The following SDK1 variants were observed in gnomAD, a reference collection of about 807,000 sequenced individuals.
SDK1 encodes the protein protein sidekick-1.
SDK1 carries 157 observed loss-of-function variants against 245.5 expected under a neutral mutation model. The ratio of observed to expected loss-of-function variants is 0.64; its 90% CI spans 0.56 to 0.73. The LOEUF (loss-of-function observed/expected upper bound fraction) is 0.73. SDK1 is among the 30% of genes least tolerant of loss of function. The pLI is 0.00. For synonymous variants in SDK1, 1,647 were observed against 1,278.5 expected (o/e 1.29, Z -6.15); for missense variants, 3,583 against 3,002.3 (o/e 1.19, Z -4.52).
chr7:4,100,566 G>A (rs533880605), intron 22 of SDK1, among the ~76,000 whole-genome samples: 3 of 152,244 alleles, frequency 2.0e-5, no homozygotes, highest in East Asian at 3.9e-4. Context: ...TCACCAATGC[G>A]ATGAGTGCCC....
chr7:3,520,305 T>C (rs951230103), intron 1 of SDK1, among the ~76,000 whole-genome samples: 2 of 152,220 alleles, frequency 1.3e-5, no homozygotes, highest in Admixed American at 1.3e-4. Context: ...CAATGATTTA[T>C]CTATATTTAG....
intron 3 of SDK1, among the ~76,000 whole-genome samples, chr7:3,641,674 C>T (rs777526989): frequency 6.6e-6 from 1 of 152,238 alleles, no homozygotes; most frequent in African/African-American, 2.4e-5. Flanking sequence ...TTCAGTGTCA[C>T]AGACAGTTGC....
intron 1 of SDK1, among the ~76,000 whole-genome samples, chr7:3,539,655 C>T (rs759788108): frequency 1.9e-4 from 29 of 152,304 alleles, no homozygotes; most frequent in Non-Finnish European, 7.3e-5. Flanking sequence ...GTAATAGGTG[C>T]TCAATAAAGG....
At chr7:3,622,248 C>G (rs1211687401) in intron 2 of SDK1, among the ~76,000 whole-genome samples, 1 of 152,158 alleles carries the variant, frequency 6.6e-6, no homozygotes, top group Non-Finnish European at 1.5e-5. Flanking sequence ...GAGGGTGAGG[C>G]AGGCGGATCA....
At chr7:3,589,295 C>T (rs575305700) in intron 1 of SDK1, among the ~76,000 whole-genome samples, 115 of 152,036 alleles carry the variant, frequency 7.6e-4, no homozygotes, top group African/African-American at 2.7e-3. Context: ...TCACAGTTGG[C>T]GTGGGCCTGT....
chr7:4,146,670 G>C (rs918618646), intron 29 of SDK1, among the ~76,000 whole-genome samples: 1 of 152,224 alleles, frequency 6.6e-6, no homozygotes, highest in Non-Finnish European at 1.5e-5. Context: ...TTAAACCCAC[G>C]TCCTCCGTAG....
chr7:3,460,598 C>T (rs929845435), intron 1 of SDK1, among the ~76,000 whole-genome samples: 2 of 152,118 alleles, frequency 1.3e-5, no homozygotes, highest in Non-Finnish European at 2.9e-5. Flanking sequence ...GATTTAATGA[C>T]CTGAATCTTG....
At chr7:4,058,492 G>T (rs1779332257) in intron 19 of SDK1, among the ~76,000 whole-genome samples, 1 of 152,182 alleles carries the variant, frequency 6.6e-6, no homozygotes, top group Admixed American at 6.5e-5. Context: ...AGATATGGGA[G>T]GCTCAGAGAT....
At chr7:4,157,743 G>C (rs1441182531) in intron 30 of SDK1, among the ~76,000 whole-genome samples, 1 of 152,154 alleles carries the variant, frequency 6.6e-6, no homozygotes, top group Non-Finnish European at 1.5e-5. Flanking sequence ...TATCATCCTT[G>C]AAATGGGAAT....
chr7:3,813,627 A>G (rs1288266032), intron 4 of SDK1, among the ~76,000 whole-genome samples: 2 of 148,424 alleles, frequency 1.3e-5, no homozygotes, highest in African/African-American at 5.1e-5. Context: ...GTATATACCC[A>G]GTAATGGGAT....
At chr7:3,765,984 A>C (rs1464700858) in intron 4 of SDK1, among the ~76,000 whole-genome samples, 1 of 152,216 alleles carries the variant, frequency 6.6e-6, no homozygotes. Context: ...AGGAGCAATA[A>C]CATTGTAATA....
chr7:3,653,954 A>G (rs1783082509), intron 4 of SDK1, among the ~76,000 whole-genome samples: 1 of 152,186 alleles, frequency 6.6e-6, no homozygotes, highest in African/African-American at 2.4e-5. Context: ...TTGCCAAGTA[A>G]TGTTCAGAGA....
Position 4,145,940 on chromosome 7 carries a change from G to T in SDK1, c.4423+24G>T, listed in dbSNP as rs764511447. ...AGGTAAGACCTTGGGGGACCCGGGG[G>T]TACTGCAGATGTTGTGGGCACAGCT... is the stretch of plus-strand genomic sequence containing the variant. On this transcript the variant is annotated intron_variant, in intron 29 of 44. Transcript: ENST00000404826. The T allele has an allele frequency of 4.6e-5, 72 of 1,575,446 alleles. No individual in the cohort carries two copies. The African/African-American group carries it at 7.1e-4, about 15-fold the overall frequency.
At chr7:3,910,822 G>T (rs767874792) in intron 5 of SDK1, among the ~76,000 whole-genome samples, 1 of 152,206 alleles carries the variant, frequency 6.6e-6, no homozygotes, top group Non-Finnish European at 1.5e-5. Context: ...CAGAAAAACT[G>T]ATTATTCAGA....
intron 5 of SDK1, among the ~76,000 whole-genome samples, chr7:3,893,378 C>T (rs1167702655): frequency 6.6e-6 from 1 of 152,064 alleles, no homozygotes; most frequent in Non-Finnish European, 1.5e-5. Flanking sequence ...GCTTGCTATG[C>T]TTATCTGTAA....
chr7:3,720,287 A>G (rs540876365), intron 4 of SDK1, among the ~76,000 whole-genome samples: 7 of 152,208 alleles, frequency 4.6e-5, no homozygotes, highest in Non-Finnish European at 1.0e-4. Flanking sequence ...TATAAAAACA[A>G]AAACTGCAGA....
At chr7:4,145,674 C>A in intron 28 of SDK1, 48 bp from the exon 29 acceptor site, 1 of 1,533,012 alleles carries the variant, frequency 6.5e-7, no homozygotes. Flanking sequence ...CTTCCCTGTG[C>A]CGTGGGTGAC....
At chr7:4,134,119 A>T (rs1716145660) in intron 28 of SDK1, among the ~76,000 whole-genome samples, 1 of 152,210 alleles carries the variant, frequency 6.6e-6, no homozygotes, top group East Asian at 1.9e-4. Context: ...ATATTTATTG[A>T]GCCCTTGCTT....
At chr7:3,911,871 C>T (rs1779177784) in intron 5 of SDK1, among the ~76,000 whole-genome samples, 1 of 152,100 alleles carries the variant, frequency 6.6e-6, no homozygotes, top group Admixed American at 6.5e-5. Context: ...GTGCAGGGTG[C>T]AAATATGTGA....
Sources: gnomAD v4.1 joint callset for allele counts (sites outside exome capture counted in the v4.1 genomes callset) on GRCh38, gnomAD v4.1.1 for gene constraint, MANE v1.5 for transcripts, NCBI Gene and HGNC (gene_info 2026-07-23, HGNC 2026-07-21) for gene names.